CFAP91: variants seen among roughly 807,000 people sequenced by gnomAD.
CFAP91 encodes cilia and flagella associated protein 91.
A neutral mutation model predicts 95.9 loss-of-function variants in CFAP91; 85 were observed. The ratio of observed to expected loss-of-function variants is 0.89; its 90% CI spans 0.74 to 1.06. CFAP91 has a LOEUF of 1.06. Among genes scored for constraint, CFAP91 ranks in the 50% least tolerant of loss-of-function variants. The pLI, the probability that CFAP91 is intolerant of heterozygous loss-of-function variation, is 0.00. For missense variants in CFAP91, 962 were observed against 943.4 expected, an observed-to-expected ratio of 1.02 and a Z score of -0.26; for synonymous variants, 335 against 327.5, an observed-to-expected ratio of 1.02 and a Z score of -0.25.
intron 17 of CFAP91, among the ~76,000 whole-genome samples, chr3:119,754,323 A>G (rs2054382475): frequency 1.3e-5 from 2 of 152,264 alleles, no homozygotes; most frequent in Admixed American, 1.3e-4. Context: ...TAAAGGAGCA[A>G]CTTGGTTCCT....
intron 15 of CFAP91, 81 bp downstream of exon 15, chr3:119,747,344 TCAC>T: frequency 6.8e-7 from 1 of 1,468,834 alleles, no homozygotes; most frequent in Non-Finnish European, 9.2e-7. Flanking sequence ...GCTTACAATT[TCAC>T]CACCAAGTAG....
At chr3:119,727,625 G>C in intron 7 of CFAP91, among the ~76,000 whole-genome samples, 1 of 152,120 alleles carries the variant, frequency 6.6e-6, no homozygotes, top group Admixed American at 6.6e-5. Flanking sequence ...TGGGGCAGGG[G>C]GAGCAGGGAA....
At chr3:119,764,704 G>A (rs2054598416) in intron 17 of CFAP91, among the ~76,000 whole-genome samples, 1 of 152,074 alleles carries the variant, frequency 6.6e-6, no homozygotes, top group Admixed American at 6.5e-5. Flanking sequence ...GGTAGCTGTT[G>A]CCAGGCATGG....
chr3:119,708,732 T>C lies in CFAP91; in HGVS notation c.443+58T>C, dbSNP rs553923552. The C allele has an allele frequency of 2.8e-5, 28 of 1,011,468 alleles. No homozygotes were observed. In the East Asian group the frequency reaches 6.0e-4, roughly 22 times the overall value. 62.7% of individuals were successfully genotyped at this position (1,011,468 alleles called of 1,614,324 possible). On this transcript the variant is annotated intron_variant, in intron 4 of 17. Coordinates refer to ENST00000273390, the MANE Select transcript of CFAP91 (RefSeq NM_033364.4). The stretch of plus-strand genomic sequence containing the variant: ...CTAATATTATTAGAGAACCTCTTTA[T>C]GATAATAATAATAGTTATCATTTTT...
At position 119,733,334 on chromosome 3, in the gene CFAP91, A is replaced by T; in HGVS notation, c.1202-30A>T. 4 of 1,610,738 alleles carry T rather than the reference A, an allele frequency of 2.5e-6. No individual in the cohort carries two copies. The Middle Eastern group carries it at 6.6e-4, about 267-fold the overall frequency. On this transcript the variant is annotated intron_variant, in intron 9 of 17. Coordinates refer to ENST00000273390, the MANE Select transcript of CFAP91 (RefSeq NM_033364.4). ...TAAAAATAATAAACGTAAGCACTGG[A>T]TACTAAAAACATGTGCTTCCTTCCC...
At chr3:119,709,212 AT>A (rs2053430541) in intron 4 of CFAP91, among the ~76,000 whole-genome samples, 1 of 152,158 alleles carries the variant, frequency 6.6e-6, no homozygotes, top group Admixed American at 6.5e-5. Flanking sequence ...TTAGATGGGG[AT>A]TTCCTTATAT....
chr3:119,740,571 G>T lies in CFAP91; in HGVS notation c.1556G>T (p.Arg519Leu), dbSNP rs199894922. ...CAGATGTTTGAAGGGAAAGAAAAGC[G>T]ACTGGAGTTGATCCAGGAGTTGCGC... Reference protein sequence around the residue: ...QNMMFEGKEKRLELIQELRTC... With the variant: ...QNMMFEGKEKLLELIQELRTC... Residue 519 changes from arginine (R) to leucine (L), a missense_variant, in exon 13 of 18, where the codon CGA becomes CTA. Coordinates refer to ENST00000273390, the MANE Select transcript of CFAP91 (RefSeq NM_033364.4). 3.1e-6 allele frequency: 5 copies of T among 1,613,594 alleles called. 1 individual carries two copies. In the Admixed American group the frequency reaches 6.7e-5, roughly 22 times the overall value.
chr3:119,741,175 C>G (rs1369355652), intron 13 of CFAP91, among the ~76,000 whole-genome samples: 1 of 152,136 alleles, frequency 6.6e-6, no homozygotes, highest in East Asian at 1.9e-4. Context: ...TGTGCCCTTA[C>G]TGATTTGAAT....
chr3:119,728,859 G>C (rs1320453905), intron 7 of CFAP91, among the ~76,000 whole-genome samples: 2 of 152,102 alleles, frequency 1.3e-5, no homozygotes, highest in African/African-American at 4.8e-5. Flanking sequence ...CTTCTTCCAC[G>C]AAGAGTTTTC....
At chr3:119,724,966 T>C (rs1218061826) in intron 6 of CFAP91, among the ~76,000 whole-genome samples, 2 of 152,046 alleles carry the variant, frequency 1.3e-5, no homozygotes, top group African/African-American at 4.8e-5. Context: ...ACTTATTTGC[T>C]TTTTAAAAGC....
intron 6 of CFAP91, among the ~76,000 whole-genome samples, chr3:119,721,976 G>C (rs1428894263): frequency 6.6e-6 from 1 of 152,024 alleles, no homozygotes; most frequent in Non-Finnish European, 1.5e-5. Context: ...AGGAGTTTGA[G>C]ACCAGCTTGG....
At chr3:119,747,766 G>A (rs1189546710) in intron 15 of CFAP91, 45 bp from the exon 16 acceptor site, 1 of 1,542,146 alleles carries the variant, frequency 6.5e-7, no homozygotes, top group Non-Finnish European at 8.9e-7. Context: ...AGCAGCTCAA[G>A]TGAAAAAACC....
chr3:119,766,122 G>A lies in CFAP91; in HGVS notation c.*1072G>A, dbSNP rs887031302. ...CAGTGAAAAGGGCAGAAATACCACA[G>A]CAGAGAATAAAATTGATAATGTTGG... On this transcript the variant is annotated 3_prime_UTR_variant, in exon 18 of 18. Coordinates refer to ENST00000273390, the MANE Select transcript of CFAP91 (RefSeq NM_033364.4). The A allele has an allele frequency of 6.6e-6, 1 of 152,176 alleles. No homozygotes were observed. Among genetic ancestry groups the A allele is most frequent in the Admixed American group, 6.5e-5 (1 of 15,274 alleles). The allele number at this position is 152,176 out of a possible 1,614,324, so 9.4% of individuals were successfully genotyped here.
At chr3:119,757,497 A>G (rs1489876267) in intron 17 of CFAP91, among the ~76,000 whole-genome samples, 1 of 151,964 alleles carries the variant, frequency 6.6e-6, no homozygotes, top group Non-Finnish European at 1.5e-5. Context: ...TTAAAAAAAA[A>G]TTAGCCAGGC....
At position 119,707,575 on chromosome 3, in the gene CFAP91, G is replaced by A. The variant is rs2107852724; in HGVS notation, c.359+14G>A. On this transcript the variant is annotated intron_variant, in intron 3 of 17. Transcript: ENST00000273390. ...GCAGCTCACCACGTAAGTGTCGGGTGGCTCCAGGGCCTAAAATAAATGCAT... is the reference window on the plus strand; with the variant it reads ...GCAGCTCACCACGTAAGTGTCGGGTAGCTCCAGGGCCTAAAATAAATGCAT... The A allele has an allele frequency of 6.6e-7, 1 of 1,525,990 alleles. No individual in the cohort carries two copies. The allele number at this position is 1,525,990 out of a possible 1,614,324, so 94.5% of individuals were successfully genotyped here.
chr3:119,714,932 A>C (rs2053545983), intron 5 of CFAP91, among the ~76,000 whole-genome samples: 1 of 152,164 alleles, frequency 6.6e-6, no homozygotes, highest in Admixed American at 6.5e-5. Flanking sequence ...TAGTACTTTT[A>C]TAGTCTCATT....
At chr3:119,762,002 A>G (rs563344219) in intron 17 of CFAP91, among the ~76,000 whole-genome samples, 2 of 152,140 alleles carry the variant, frequency 1.3e-5, no homozygotes, top group East Asian at 3.9e-4. Context: ...CAGTTGGGCA[A>G]GAGAAAGAAA....
chr3:119,716,880 G>A (rs1031375070), intron 6 of CFAP91, among the ~76,000 whole-genome samples: 9 of 152,072 alleles, frequency 5.9e-5, no homozygotes, highest in African/African-American at 2.4e-5. Flanking sequence ...TTGAGCTACC[G>A]CACCTGGCCC....
chr3:119,750,803 C>A, intron 16 of CFAP91, 134 bp from the exon 17 acceptor site: 1 of 906,172 alleles, frequency 1.1e-6, no homozygotes, highest in African/African-American at 1.7e-5. Flanking sequence ...ACAGAGGGAG[C>A]AGAAAGAAAT....
Sources: gnomAD v4.1 joint callset for allele counts (sites outside exome capture counted in the v4.1 genomes callset) on GRCh38, gnomAD v4.1.1 for gene constraint, MANE v1.5 for transcripts, NCBI Gene and HGNC (gene_info 2026-07-23, HGNC 2026-07-21) for gene names.